WDR20: variants seen among roughly 807,000 people sequenced by gnomAD.
WDR20 encodes WD repeat domain 20, also known as WD repeat-containing protein 20.
WDR20 carries 3 observed loss-of-function variants against 38.7 expected under a neutral mutation model. The observed-to-expected ratio is 0.08, with a 90% CI of 0.04 to 0.20. The LOEUF is 0.20. WDR20 is among the 10% of genes least tolerant of loss of function. The pLI, the probability that WDR20 is intolerant of heterozygous loss-of-function variation, is 1.00. For synonymous variants in WDR20, 298 were observed against 285.6 expected (o/e 1.04, Z -0.44); for missense variants, 559 against 727.7 (o/e 0.77, Z 2.67).
chr14:102,223,149 A>G, exon 4 of WDR20: 1 of 283,888 alleles, frequency 3.5e-6, no homozygotes, highest in Non-Finnish European at 6.6e-6. Context: ...TCTAAAATTC[A>G]ATGTAATTAA....
intron 1 of WDR20, among the ~76,000 whole-genome samples, chr14:102,184,104 T>A (rs1307139399): frequency 6.6e-6 from 1 of 152,228 alleles, no homozygotes; most frequent in Admixed American, 6.5e-5. Flanking sequence ...TAAAAATAGG[T>A]CATTTGAATA....
intron 1 of WDR20, among the ~76,000 whole-genome samples, chr14:102,140,671 C>A (rs978734898): frequency 6.6e-5 from 10 of 152,160 alleles, no homozygotes; most frequent in African/African-American, 2.4e-4. Flanking sequence ...AAAGAACCTG[C>A]TCGGCACGCA....
chr14:102,195,698 A>G (rs926777108), intron 2 of WDR20, among the ~76,000 whole-genome samples: 1 of 152,230 alleles, frequency 6.6e-6, no homozygotes, highest in Non-Finnish European at 1.5e-5. Flanking sequence ...AGTATCTTCA[A>G]TTTCATTCTG....
chr14:102,201,770 GTGTT>G (rs2060434487), intron 2 of WDR20, among the ~76,000 whole-genome samples: 1 of 152,322 alleles, frequency 6.6e-6, no homozygotes, highest in South Asian at 2.1e-4. Context: ...TTTTATGAAC[GTGTT>G]TGTTAAGAAT....
chr14:102,160,063 C>G (rs1305591510), intron 1 of WDR20, among the ~76,000 whole-genome samples: 4 of 152,120 alleles, frequency 2.6e-5, no homozygotes, highest in African/African-American at 9.7e-5. Context: ...ATGATCATAC[C>G]ACTGCACTCC....
chr14:102,218,910 G>A (rs572504207), downstream of WDR20, among the ~76,000 whole-genome samples: 31 of 152,340 alleles, frequency 2.0e-4, no homozygotes, highest in South Asian at 5.6e-3. Context: ...AAGCGTGGGC[G>A]GGCTCCCCTT....
intron 2 of WDR20, among the ~76,000 whole-genome samples, chr14:102,204,308 T>C (rs2152992230): frequency 6.6e-6 from 1 of 152,306 alleles, no homozygotes; most frequent in Non-Finnish European, 1.5e-5. Context: ...TGTCCTTCTG[T>C]CTTGCTCAGC....
intron 1 of WDR20, among the ~76,000 whole-genome samples, chr14:102,194,579 T>A (rs2059107357): frequency 6.6e-6 from 1 of 152,232 alleles, no homozygotes; most frequent in South Asian, 2.1e-4. Flanking sequence ...AAGCCGAGCT[T>A]TTTATGTGGT....
rs141702676 is a variant in WDR20, at chr14:102,180,515, C to T, written c.250-14423C>T. ...GGTTCAAGGGATTCTCCTGACTTAG[C>T]CTCCGGAGTAGCTGGGATTACTGCT... On this transcript the variant is annotated intron_variant, in intron 1 of 2. Coordinates refer to ENST00000342702, the MANE Select transcript of WDR20 (RefSeq NM_144574.4). Among the ~76,000 whole-genome samples, 246 of 152,298 alleles carry T rather than the reference C, an allele frequency of 1.6e-3. 2 individuals are homozygous for T. The highest frequency in any genetic ancestry group is 5.4e-3 in the African/African-American group (226 of 41,586).
At chr14:102,216,451 T>C (rs775984681), downstream of WDR20, among the ~76,000 whole-genome samples, 79 of 152,262 alleles carry the variant, frequency 5.2e-4, no homozygotes, top group Non-Finnish European at 1.1e-3. Context: ...ACCACCAAAC[T>C]CAGCTAATTT....
chr14:102,141,010 G>T (rs919106315), intron 1 of WDR20, among the ~76,000 whole-genome samples: 1 of 152,162 alleles, frequency 6.6e-6, no homozygotes, highest in Non-Finnish European at 1.5e-5. Context: ...CCTTCTTGGC[G>T]GGCGAGTTAC....
intron 1 of WDR20, among the ~76,000 whole-genome samples, chr14:102,194,583 AT>A (rs1246924992): frequency 6.6e-6 from 1 of 152,210 alleles, no homozygotes; most frequent in Admixed American, 6.5e-5. Flanking sequence ...CGAGCTTTTT[AT>A]GTGGTTACTC....
chr14:102,203,403 G>C (rs1276371377), intron 2 of WDR20, among the ~76,000 whole-genome samples: 1 of 152,024 alleles, frequency 6.6e-6, no homozygotes, highest in Admixed American at 6.5e-5. Context: ...TTAGAACCCT[G>C]TGTGTGTTTA....
intron 1 of WDR20, among the ~76,000 whole-genome samples, chr14:102,175,156 ATTATC>A (rs1247658790): frequency 6.6e-6 from 1 of 152,076 alleles, no homozygotes; most frequent in Non-Finnish European, 1.5e-5. Flanking sequence ...TTTTTCCGGT[ATTATC>A]TTCTAGAATT....
Position 102,210,196 on chromosome 14 carries a change from A to G in WDR20, c.*316A>G, listed in dbSNP as rs372332193. ...GAAAATCATGACCATGTGGGGAAAC[A>G]ATGACTTTAAAATGCTGAAATTAAA... On this transcript the variant is annotated 3_prime_UTR_variant, in exon 3 of 3. Transcript: ENST00000342702. 29 of 1,056,612 alleles carry G rather than the reference A, an allele frequency of 2.7e-5. No individual in the cohort carries two copies. The East Asian group carries it at 1.3e-3, about 48-fold the overall frequency. 65.5% of individuals were successfully genotyped at this position (1,056,612 alleles called of 1,614,324 possible).
rs1386454728 is a variant in WDR20 at position 102,221,773 on chromosome 14, A to G, written c.1693-1057A>G. 3.9e-5 allele frequency among the ~76,000 whole-genome samples: 6 copies of G among 152,198 alleles called. No homozygotes were observed. The East Asian group carries it at 9.6e-4, about 24-fold the overall frequency. ...GATTGTCACCTTCATTTGTGTCCAC[A>G]CAAGTCCAATATGTGAGAAGGTAGC... On this transcript the variant is annotated intron_variant, in intron 3 of 3. Transcript: ENST00000335263. This position sits in a 1 kb window ranked among gnomAD's most constrained non-coding sequence, Gnocchi z 4.8.
At chr14:102,140,209 G>A (rs1468579315) in intron 1 of WDR20, 37 bp downstream of exon 1, 2 of 1,604,334 alleles carry the variant, frequency 1.2e-6, no homozygotes, top group Admixed American at 1.7e-5. Flanking sequence ...AGCCAGCGGC[G>A]TAGGCAGAGG....
In WDR20 at chr14:102,171,777, G is replaced by A. The variant is rs573138406; in HGVS notation, c.250-23161G>A. Among the ~76,000 whole-genome samples the A allele has an allele frequency of 1.6e-4, 24 of 151,850 alleles. 1 individual carries two copies. In the South Asian group the frequency reaches 5.0e-3, roughly 32 times the overall value. On this transcript the variant is annotated intron_variant, in intron 1 of 2. Transcript: ENST00000342702. ...ACAAATTTTATAGAATTTTCAGTTG[G>A]TAAAGATTGATAAGATTAGTAATAA...
At chr14:102,216,799 G>A (rs557127491), downstream of WDR20, among the ~76,000 whole-genome samples, 27 of 152,210 alleles carry the variant, frequency 1.8e-4, no homozygotes, top group African/African-American at 4.1e-4. Context: ...GCGTGGTGGC[G>A]GGCGCCTGTA....
Sources: allele counts gnomAD v4.1 joint callset (sites outside exome capture counted in the v4.1 genomes callset), GRCh38; gene constraint gnomAD v4.1.1; non-coding constraint Gnocchi (gnomAD v3.1); transcripts MANE v1.5; gene names NCBI Gene and HGNC (gene_info 2026-07-23, HGNC 2026-07-21).